AFTPH: variants seen among roughly 807,000 people sequenced by gnomAD.
AFTPH encodes aftiphilin, also known as aftiphilin protein.
Under a neutral mutation model 72.5 loss-of-function variants are expected in AFTPH, and 7 were observed. The observed-to-expected ratio is 0.10, with a 90% CI of 0.05 to 0.18. The LOEUF (loss-of-function observed/expected upper bound fraction) is 0.18. Among genes scored for constraint, AFTPH ranks in the 10% least tolerant of loss-of-function variants. The pLI is 1.00. For missense variants in AFTPH, 979 were observed against 1,060.5 expected (o/e 0.92, Z 1.07); for synonymous variants, 337 against 370.1 (o/e 0.91, Z 1.03).
At chr2:64,558,364 T>C (rs1348284243) in intron 2 of AFTPH, among the ~76,000 whole-genome samples, 6 of 152,180 alleles carry the variant, frequency 3.9e-5, no homozygotes, top group Non-Finnish European at 1.5e-5. Context: ...CTAACTGATA[T>C]AAACAAGAGT....
chr2:64,572,040 AC>A (rs1204823107), intron 5 of AFTPH, among the ~76,000 whole-genome samples: 3 of 151,920 alleles, frequency 2.0e-5, no homozygotes, highest in African/African-American at 4.8e-5. Context: ...ATGTGGAGAA[AC>A]CCCATCTCTA....
At chr2:64,585,682 C>T (rs1673462120) in intron 8 of AFTPH, 137 bp downstream of exon 9, 4 of 893,078 alleles carry the variant, frequency 4.5e-6, no homozygotes, top group Non-Finnish European at 6.6e-6. Flanking sequence ...ATGCCCAAGT[C>T]CAGAAAATAT....
intron 2 of AFTPH, among the ~76,000 whole-genome samples, chr2:64,562,513 C>T (rs1000329305): frequency 2.0e-5 from 3 of 152,112 alleles, no homozygotes; most frequent in African/African-American, 7.2e-5. Context: ...AGCACCTACA[C>T]TGAAACTATA....
intron 1 of AFTPH, among the ~76,000 whole-genome samples, chr2:64,543,747 T>C (rs12713517): frequency 0.32 from 48,220 of 152,096 alleles, 7,710 homozygotes; most frequent in South Asian, 0.39. Flanking sequence ...AAACTATTTT[T>C]AAATGGCCAA....
At chr2:64,575,558 AGTGAGCCATGTTCACACCAGTGCACTCC>A (rs2104124582) in intron 6 of AFTPH, among the ~76,000 whole-genome samples, 1 of 152,194 alleles carries the variant, frequency 6.6e-6, no homozygotes, top group Non-Finnish European at 1.5e-5. Flanking sequence ...TTGAGGCTGC[AGTGAGCCATGTTCACACCAGTGCACTCC>A]AGCCTAGGCA....
intron 7 of AFTPH, 119 bp downstream of exon 8, chr2:64,581,392 ACTTTT>A: frequency 1.3e-6 from 1 of 770,992 alleles, no homozygotes; most frequent in Non-Finnish European, 1.9e-6. Context: ...TCTTTTTAAT[ACTTTT>A]CTTTCATCTG....
intron 1 of AFTPH, among the ~76,000 whole-genome samples, chr2:64,525,231 C>T (rs1039127385): frequency 5.3e-5 from 8 of 152,194 alleles, no homozygotes; most frequent in Non-Finnish European, 1.2e-4. Context: ...CTCCAGTTTG[C>T]GTTTGAAAAG....
chr2:64,551,449 A>G, exon 2 of AFTPH: 1 of 1,586,722 alleles, frequency 6.3e-7, no homozygotes, highest in Non-Finnish European at 8.6e-7. Flanking sequence ...ACAGGTGTAA[A>G]TTAATTATTT....
chr2:64,557,324 G>T (rs973278651), intron 2 of AFTPH, among the ~76,000 whole-genome samples: 6 of 152,158 alleles, frequency 3.9e-5, no homozygotes, highest in Non-Finnish European at 8.8e-5. Flanking sequence ...GTATAGAAAA[G>T]GAGGCTATGA....
At chr2:64,562,848 T>C (rs969192683) in intron 2 of AFTPH, among the ~76,000 whole-genome samples, 1 of 152,224 alleles carries the variant, frequency 6.6e-6, no homozygotes, top group Non-Finnish European at 1.5e-5. Flanking sequence ...TAAAATGATA[T>C]TGTTTGCTTT....
chr2:64,551,766 G>A (rs771072135), exon 2 of AFTPH: 1 of 1,613,584 alleles, frequency 6.2e-7, no homozygotes, highest in Non-Finnish European at 8.5e-7. Context: ...TGAACTTTCT[G>A]CTCCTGTGAA....
intron 2 of AFTPH, among the ~76,000 whole-genome samples, chr2:64,554,073 A>G (rs1671214655): frequency 6.6e-6 from 1 of 152,214 alleles, no homozygotes; most frequent in South Asian, 2.1e-4. Flanking sequence ...AGAAATAACT[A>G]TAGGTTCACT....
At chr2:64,525,003 C>T (rs750230400) in intron 1 of AFTPH, among the ~76,000 whole-genome samples, 6 of 152,238 alleles carry the variant, frequency 3.9e-5, no homozygotes. Flanking sequence ...TCTTCGCTCT[C>T]CTTCCCCCTC....
At chr2:64,566,161 C>T (rs1380817314) in intron 2 of AFTPH, among the ~76,000 whole-genome samples, 3 of 152,180 alleles carry the variant, frequency 2.0e-5, no homozygotes, top group Admixed American at 6.5e-5. Context: ...TCCGTTCTCT[C>T]TGTTGAGGCA....
At chr2:64,585,660 A>G (rs1673459868) in intron 8 of AFTPH, 115 bp downstream of exon 9, 1 of 1,213,478 alleles carries the variant, frequency 8.2e-7, no homozygotes. Flanking sequence ...CTTGCTTTAT[A>G]AAAGTCAGTC....
chr2:64,544,948 A>G (rs1352058086), intron 1 of AFTPH, among the ~76,000 whole-genome samples: 1 of 152,202 alleles, frequency 6.6e-6, no homozygotes, highest in Non-Finnish European at 1.5e-5. Context: ...AGGCCAATAA[A>G]GCCTGTCTCA....
chr2:64,541,245 G>A (rs1670233449), intron 1 of AFTPH, among the ~76,000 whole-genome samples: 1 of 152,128 alleles, frequency 6.6e-6, no homozygotes, highest in Non-Finnish European at 1.5e-5. Flanking sequence ...TAAACATGGA[G>A]TGAAAACACG....
chr2:64,569,356 T>G, intron 4 of AFTPH, 138 bp downstream of exon 4: 1 of 1,198,962 alleles, frequency 8.3e-7, no homozygotes, highest in Non-Finnish European at 1.1e-6. Flanking sequence ...TTATATTGAA[T>G]GTGCTGACTT....
At chr2:64,570,896 T>C (rs542077053) in intron 5 of AFTPH, among the ~76,000 whole-genome samples, 5 of 144,908 alleles carry the variant, frequency 3.5e-5, no homozygotes, top group Admixed American at 2.9e-4. Context: ...GGACTTTTTT[T>C]CCCACTTCTT....
Sources: allele counts gnomAD v4.1 joint callset (sites outside exome capture counted in the v4.1 genomes callset), GRCh38; gene constraint gnomAD v4.1.1; transcripts MANE v1.5; gene names NCBI Gene and HGNC (gene_info 2026-07-23, HGNC 2026-07-21).